The following CFAP46 variants were observed in gnomAD, a reference collection of about 807,000 sequenced individuals.
CFAP46 encodes cilia and flagella associated protein 46, also known as cilia- and flagella-associated protein 46.
CFAP46 carries 245 observed loss-of-function variants against 325.7 expected under a neutral mutation model. The observed-to-expected ratio is 0.75, with a 90% confidence interval of 0.68 to 0.84. The LOEUF (loss-of-function observed/expected upper bound fraction) is 0.84. CFAP46 is among the 40% of genes least tolerant of loss of function. The pLI is 0.00. For synonymous variants in CFAP46, 1,523 were observed against 1,495.9 expected (o/e 1.02, Z -0.42); for missense variants, 3,346 against 3,543.0 (o/e 0.94, Z 1.41).
In CFAP46 at chr10:132,877,334, G is replaced by T. The variant is rs899510624; in HGVS notation, c.4213-373C>A. Among the ~76,000 whole-genome samples, 5 of 152,150 alleles carry T rather than the reference G, an allele frequency of 3.3e-5. No homozygotes were observed. Among genetic ancestry groups the T allele is most frequent in the African/African-American group, 9.7e-5 (4 of 41,422 alleles). On this transcript the variant is annotated intron_variant, in intron 30 of 57. Coordinates refer to ENST00000368586, the MANE Select transcript of CFAP46 (RefSeq NM_001200049.3). The surrounding 1 kb of genome is among the most constrained non-coding windows in gnomAD (Gnocchi z 5.7). ...CATGAACTCAGCAGTGCTCGTGCCG[G>T]GGTCCAGGTGTGAGCGTCCTGCTCT...
chr10:132,838,122 C>G (rs140979847), intron 44 of CFAP46, among the ~76,000 whole-genome samples: 73 of 152,350 alleles, frequency 4.8e-4, no homozygotes, highest in African/African-American at 1.7e-3. Context: ...AGCTCCGGCC[C>G]GTCCGCTCCC....
intron 28 of CFAP46, among the ~76,000 whole-genome samples, chr10:132,880,203 T>A (rs936508935): frequency 6.6e-6 from 1 of 152,182 alleles, no homozygotes; most frequent in African/African-American, 2.4e-5. Flanking sequence ...AGCCACCCCA[T>A]GGGACTCTCC....
chr10:132,892,107 C>T (rs923612609), intron 25 of CFAP46, among the ~76,000 whole-genome samples: 2 of 152,168 alleles, frequency 1.3e-5, no homozygotes, highest in African/African-American at 2.4e-5. Context: ...CAGAAGGTCC[C>T]GGCTCTGGCT....
chr10:132,911,842 T>TTTCCAC (rs11282439), intron 19 of CFAP46, among the ~76,000 whole-genome samples: 1,928 of 152,196 alleles, frequency 0.013, 36 homozygotes, highest in African/African-American at 0.043. Context: ...TCTGGTTCTA[T>TTTCCAC]TTCCACTCTC....
At chr10:132,819,548 G>A (rs941388496) in intron 50 of CFAP46, among the ~76,000 whole-genome samples, 7 of 152,210 alleles carry the variant, frequency 4.6e-5, no homozygotes, top group Non-Finnish European at 1.0e-4. Context: ...CAGACACTGG[G>A]CCCGATAGAA....
At chr10:132,914,915 G>A (rs1038584831) in intron 17 of CFAP46, among the ~76,000 whole-genome samples, 5 of 152,218 alleles carry the variant, frequency 3.3e-5, no homozygotes, top group African/African-American at 7.2e-5. Flanking sequence ...CCAAGTGAGC[G>A]TCTCCCTCTT....
Position 132,832,708 on chromosome 10 carries a change from GT to G in CFAP46, c.7117+649del, listed in dbSNP as rs1848170665. 1 of 467,610 alleles carries G rather than the reference GT, an allele frequency of 2.1e-6. No individual in the cohort carries two copies. The highest frequency in any genetic ancestry group is 1.6e-5 in the South Asian group (1 of 64,504). 29.0% of individuals were successfully genotyped at this position (467,610 alleles called of 1,614,324 possible). On this transcript the variant is annotated intron_variant, in intron 50 of 57. Transcript: ENST00000368586. The surrounding 1 kb of genome is among the most constrained non-coding windows in gnomAD (Gnocchi z 4.1). ...CGGGGAAGCTTCACAACCGGGGCAC[GT>G]CTGCACAGCCAGCACTCAGTCACAG...
intron 44 of CFAP46, among the ~76,000 whole-genome samples, chr10:132,841,378 C>T (rs886742805): frequency 1.3e-5 from 2 of 152,276 alleles, no homozygotes; most frequent in African/African-American, 4.8e-5. Flanking sequence ...CTTCCGACAG[C>T]ACCTGCTGCC....
At chr10:132,937,298 C>G in intron 6 of CFAP46, 1 of 547,148 alleles carries the variant, frequency 1.8e-6, no homozygotes, top group Non-Finnish European at 3.1e-6. Context: ...AAAGCTATTA[C>G]AAAGGAAATA....
intron 32 of CFAP46, chr10:132,872,443 G>A: frequency 2.0e-6 from 1 of 508,628 alleles, no homozygotes; most frequent in East Asian, 3.7e-5. Flanking sequence ...ATTTTTTGTA[G>A]AGATGGGGTC....
chr10:132,859,421 A>G (rs1028969383), intron 37 of CFAP46, among the ~76,000 whole-genome samples, 174 bp from the exon 38 acceptor site: 4 of 152,160 alleles, frequency 2.6e-5, no homozygotes, highest in Non-Finnish European at 1.5e-5. Flanking sequence ...ATCGCATGTG[A>G]TAAAATCAGA....
intron 25 of CFAP46, among the ~76,000 whole-genome samples, chr10:132,891,404 T>C (rs948272545): frequency 6.6e-6 from 1 of 152,158 alleles, no homozygotes; most frequent in Non-Finnish European, 1.5e-5. Context: ...AGCATCCACA[T>C]GAAAACAGAG....
At chr10:132,870,574 T>G (rs1848883571) in intron 32 of CFAP46, among the ~76,000 whole-genome samples, 1 of 152,044 alleles carries the variant, frequency 6.6e-6, no homozygotes, top group African/African-American at 2.4e-5. Context: ...TATGAAAAAG[T>G]TTCCGTGGTC....
At chr10:132,875,723 G>A (rs902750557) in intron 31 of CFAP46, among the ~76,000 whole-genome samples, 1 of 152,124 alleles carries the variant, frequency 6.6e-6, no homozygotes, top group Non-Finnish European at 1.5e-5. Flanking sequence ...ATCAAGTTCA[G>A]ATGACAGGCA....
At chr10:132,822,899 GA>G (rs1202104099) in intron 50 of CFAP46, among the ~76,000 whole-genome samples, 1 of 141,808 alleles carries the variant, frequency 7.1e-6, no homozygotes, top group African/African-American at 2.6e-5. Flanking sequence ...GATGTGTGCT[GA>G]TGTGTGCTGT....
At position 132,876,738 on chromosome 10, in the gene CFAP46, C is replaced by G; in HGVS notation, c.4362+74G>C. On this transcript the variant is annotated intron_variant, in intron 31 of 57. Transcript: ENST00000368586. The surrounding 1 kb of genome is among the most constrained non-coding windows in gnomAD (Gnocchi z 4.1). ...TTCTGGCTACAGTTCACAGTGAAAA[C>G]TGGACTTGGGGACAGGTCAAGGGGA... is the stretch of plus-strand genomic sequence containing the variant. The G allele has an allele frequency of 7.0e-7, 1 of 1,438,330 alleles. No homozygotes were observed. The highest frequency in any genetic ancestry group is 9.3e-7 in the Non-Finnish European group (1 of 1,078,492). The allele number at this position is 1,438,330 out of a possible 1,614,324, so 89.1% of individuals were successfully genotyped here.
intron 47 of CFAP46, 77 bp downstream of exon 47, chr10:132,835,227 C>A (rs1316153546): frequency 3.8e-6 from 6 of 1,566,880 alleles, no homozygotes; most frequent in South Asian, 1.2e-5. Flanking sequence ...CCTCCCCCCA[C>A]CTCGCCAGGG....
intron 33 of CFAP46, among the ~76,000 whole-genome samples, chr10:132,868,010 C>T (rs1485236154): frequency 6.6e-6 from 1 of 152,218 alleles, no homozygotes; most frequent in East Asian, 1.9e-4. Flanking sequence ...TTTGCCACAG[C>T]ACGTCCAGAG....
chr10:132,913,382 C>T lies in CFAP46; in HGVS notation c.2121-124G>A, dbSNP rs1007042323. ...GCAAGAAGTGGGAGGGGCGGGTGGG[C>T]GGCGACCAAACTCCATCTGCATTTA... On this transcript the variant is annotated intron_variant, in intron 17 of 57. Coordinates refer to ENST00000368586, the MANE Select transcript of CFAP46 (RefSeq NM_001200049.3). 14 of 582,240 alleles carry T rather than the reference C, an allele frequency of 2.4e-5. 1 individual carries two copies. Among genetic ancestry groups the T allele is most frequent in the South Asian group, 9.6e-5 (5 of 51,814 alleles). The allele number at this position is 582,240 out of a possible 1,614,324, so 36.1% of individuals were successfully genotyped here. A position where few individuals can be genotyped will look rare whatever the true frequency, so the allele number is the denominator to read the frequency against.
Sources: allele counts gnomAD v4.1 joint callset (sites outside exome capture counted in the v4.1 genomes callset), GRCh38; gene constraint gnomAD v4.1.1; non-coding constraint Gnocchi (gnomAD v3.1); transcripts MANE v1.5; gene names NCBI Gene and HGNC (gene_info 2026-07-23, HGNC 2026-07-21).